IL33: variants seen among roughly 807,000 people sequenced by gnomAD.
The protein encoded by IL33 is interleukin 33.
A neutral mutation model predicts 27.3 loss-of-function variants in IL33; 37 were observed. That is an observed-to-expected ratio of 1.36 (90% CI 1.04 to 1.78). IL33 has a LOEUF of 1.78. IL33 is among the 40% of genes most tolerant of loss of function. The probability of loss-of-function intolerance (pLI) is 0.00; values close to 1 mark genes in which losing one functional copy is unlikely to be tolerated. For synonymous variants in IL33, 132 were observed against 102.9 expected (o/e 1.28, Z -1.71); for missense variants, 406 against 311.4 (o/e 1.30, Z -2.29).
intron 1 of IL33, among the ~76,000 whole-genome samples, chr9:6,221,318 T>C (rs1818402229): frequency 6.6e-6 from 1 of 152,188 alleles, no homozygotes; most frequent in South Asian, 2.1e-4. Context: ...TATAAAAAAT[T>C]AGATGCTATT....
At chr9:6,216,581 A>C (rs932114869) in intron 1 of IL33, among the ~76,000 whole-genome samples, 5 of 152,068 alleles carry the variant, frequency 3.3e-5, no homozygotes, top group Non-Finnish European at 7.3e-5. Flanking sequence ...CTAAAAATAC[A>C]AAAACAAACA....
chr9:6,254,427 C>T (rs1321831004), intron 6 of IL33, 35 bp from the exon 7 acceptor site: 1 of 1,379,984 alleles, frequency 7.2e-7, no homozygotes, highest in East Asian at 2.3e-5. Flanking sequence ...AGTTACAGTT[C>T]TTAACTTTAT....
chr9:6,223,494 A>G (rs1450555152), intron 1 of IL33, among the ~76,000 whole-genome samples: 2 of 151,870 alleles, frequency 1.3e-5, no homozygotes, highest in Admixed American at 1.3e-4. Context: ...TCTATCATAT[A>G]TAATATTATT....
rs1037117684 is a variant in IL33, at chr9:6,256,234, T to G, written c.*66T>G. ...CTACCACTGGAGAAGGAATGAGAGA[T>G]AAAGAAAGAGACAGGTGACATCTAA... On this transcript the variant is annotated 3_prime_UTR_variant, in exon 8 of 8. Transcript: ENST00000682010. 3 of 1,176,340 alleles carry G rather than the reference T, an allele frequency of 2.6e-6. No homozygotes were observed. The highest frequency in any genetic ancestry group is 3.0e-5 in the African/African-American group (2 of 65,856). 72.9% of individuals were successfully genotyped at this position (1,176,340 alleles called of 1,614,324 possible).
intron 1 of IL33, among the ~76,000 whole-genome samples, chr9:6,241,335 T>G (rs1251687601): frequency 2.0e-5 from 3 of 152,232 alleles, no homozygotes; most frequent in African/African-American, 7.2e-5. Context: ...CAACTGGCAG[T>G]GCAGTGGGTT....
Position 6,254,555 on chromosome 9 carries a change from T to C in IL33, c.612+2T>C, listed in dbSNP as rs1816612364. ...AACAACAAGGAACACTCTGTGGAGG[T>C]AAAAAAAAAAAATTTATCTATATCT... On this transcript the variant is annotated splice_donor_variant, in intron 7 of 7. Transcript: ENST00000682010. LOFTEE classifies it high-confidence loss of function. The C allele has an allele frequency of 3.1e-6, 4 of 1,277,690 alleles. No homozygotes were observed. The highest frequency in any genetic ancestry group is 2.0e-4 in the Middle Eastern group (1 of 4,962). 79.1% of individuals were successfully genotyped at this position (1,277,690 alleles called of 1,614,324 possible).
chr9:6,224,314 A>T (rs906818068), intron 1 of IL33, among the ~76,000 whole-genome samples: 1 of 152,164 alleles, frequency 6.6e-6, no homozygotes, highest in East Asian at 1.9e-4. Context: ...TTAATGTTTT[A>T]TGTGTTTGAG....
At chr9:6,245,517 T>G (rs1184029616) in intron 2 of IL33, among the ~76,000 whole-genome samples, 1 of 152,152 alleles carries the variant, frequency 6.6e-6, no homozygotes, top group East Asian at 1.9e-4. Context: ...GAGATCACAT[T>G]GGTGAAGTGT....
At chr9:6,253,626 G>C in intron 6 of IL33, 24 bp downstream of exon 6, 2 of 1,583,840 alleles carry the variant, frequency 1.3e-6, no homozygotes, top group Non-Finnish European at 1.7e-6. Context: ...CTGGGTAGCT[G>C]TAGTGCTTGA....
chr9:6,239,767 G>A (rs1480520199), intron 1 of IL33, among the ~76,000 whole-genome samples: 2 of 152,048 alleles, frequency 1.3e-5, no homozygotes, highest in Admixed American at 6.6e-5. Flanking sequence ...CATTCCTTCT[G>A]TAATGACTAG....
chr9:6,255,899 T>A (rs1393803680), intron 7 of IL33, 69 bp from the exon 8 acceptor site: 3 of 1,248,868 alleles, frequency 2.4e-6, no homozygotes, highest in African/African-American at 1.5e-5. Flanking sequence ...TAGTTTCCAA[T>A]ACAGGCAGGT....
chr9:6,241,450 T>C (rs913272033), intron 1 of IL33, among the ~76,000 whole-genome samples: 2 of 152,164 alleles, frequency 1.3e-5, no homozygotes, highest in African/African-American at 4.8e-5. Context: ...TCCACTATAA[T>C]CTTGTGAGAC....
intron 1 of IL33, among the ~76,000 whole-genome samples, chr9:6,234,493 G>T (rs1193584185): frequency 6.6e-6 from 1 of 152,320 alleles, no homozygotes; most frequent in African/African-American, 2.4e-5. Flanking sequence ...GAGGCATTGT[G>T]GCAGACGTGC....
rs1412867060 is a variant in IL33 at position 6,256,166 on chromosome 9, T to A, written c.811T>A (p.Ter271LysextTer28). ...TATCTTGTTTAAGCTCTCTGAAACT[T>A]AGTTGATGGAAACCTGTGAGTCTTG... ...ENILFKLSET[*>K] Residue 271 changes from the stop codon to lysine, a stop_lost, in exon 8 of 8, where the codon TAG becomes AAG. Coordinates refer to ENST00000682010, the MANE Select transcript of IL33 (RefSeq NM_033439.4). 1 of 1,611,170 alleles carries A rather than the reference T, an allele frequency of 6.2e-7. No homozygotes were observed. Among genetic ancestry groups the A allele is most frequent in the Non-Finnish European group, 8.5e-7 (1 of 1,177,848 alleles).
intron 1 of IL33, among the ~76,000 whole-genome samples, chr9:6,239,326 A>C (rs1364341981): frequency 6.6e-6 from 1 of 152,122 alleles, no homozygotes; most frequent in African/African-American, 2.4e-5. Flanking sequence ...AGATAAGGGG[A>C]GTTACACTGA....
At chr9:6,226,965 C>A (rs572646405) in intron 1 of IL33, among the ~76,000 whole-genome samples, 24 of 152,210 alleles carry the variant, frequency 1.6e-4, no homozygotes, top group Non-Finnish European at 3.2e-4. Flanking sequence ...TGGGGCACTG[C>A]CAACCTAAAA....
At chr9:6,238,454 C>T (rs1819350650) in intron 1 of IL33, among the ~76,000 whole-genome samples, 1 of 152,142 alleles carries the variant, frequency 6.6e-6, no homozygotes, top group Admixed American at 6.5e-5. Flanking sequence ...GAGGATTTTG[C>T]ACATGGGACT....
At chr9:6,222,846 G>A (rs1013450890) in intron 1 of IL33, among the ~76,000 whole-genome samples, 3 of 151,992 alleles carry the variant, frequency 2.0e-5, no homozygotes, top group African/African-American at 7.3e-5. Flanking sequence ...ATTTGTTCCT[G>A]GAGAATAGGG....
At chr9:6,228,956 A>G (rs1398008384) in intron 1 of IL33, among the ~76,000 whole-genome samples, 2 of 152,138 alleles carry the variant, frequency 1.3e-5, no homozygotes, top group African/African-American at 2.4e-5. Context: ...TTTCACTGTA[A>G]TTTTGTCCTG....
Sources: gnomAD v4.1 joint callset for allele counts (sites outside exome capture counted in the v4.1 genomes callset) on GRCh38, gnomAD v4.1.1 for gene constraint, MANE v1.5 for transcripts, NCBI Gene and HGNC (gene_info 2026-07-23, HGNC 2026-07-21) for gene names.